Variants in FBXO36 observed in about 807,000 individuals in gnomAD.
The protein encoded by FBXO36 is F-box protein 36.
FBXO36 carries 18 observed loss-of-function variants against 17.0 expected under a neutral mutation model. The observed-to-expected ratio is 1.06, with a 90% CI of 0.73 to 1.57. The LOEUF is 1.57. Among genes scored for constraint, FBXO36 ranks in the 40% most tolerant of loss-of-function variants. The pLI is 0.00. For missense variants in FBXO36, 229 were observed against 221.9 expected (o/e 1.03, Z -0.20); for synonymous variants, 83 against 85.3 (o/e 0.97, Z 0.15).
chr2:229,999,695 A>C (rs949530213), intron 3 of FBXO36, among the ~76,000 whole-genome samples: 2 of 151,684 alleles, frequency 1.3e-5, no homozygotes, highest in African/African-American at 2.4e-5. Context: ...ATATGTATAT[A>C]TATGTATTTT....
At chr2:230,006,538 A>G (rs1479037153) in intron 3 of FBXO36, among the ~76,000 whole-genome samples, 1 of 152,152 alleles carries the variant, frequency 6.6e-6, no homozygotes, top group Admixed American at 6.5e-5. Context: ...GTCAGTATGT[A>G]ATTACTGAGC....
At chr2:229,958,257 CTTTTTTTTTT>C (rs1161188534) in intron 1 of FBXO36, among the ~76,000 whole-genome samples, 3 of 78,682 alleles carry the variant, frequency 3.8e-5, no homozygotes, top group African/African-American at 1.6e-4. Context: ...CTCTGACTTT[CTTTTTTTTTT>C]TTTTTTTTTT....
At chr2:229,934,812 G>T (rs2076956122) in intron 1 of FBXO36, among the ~76,000 whole-genome samples, 1 of 152,018 alleles carries the variant, frequency 6.6e-6, no homozygotes, top group Admixed American at 6.6e-5. Flanking sequence ...TTGCAACCAT[G>T]CCCGGCTAAT....
chr2:229,986,114 G>C (rs151129896), intron 2 of FBXO36, among the ~76,000 whole-genome samples: 2 of 152,206 alleles, frequency 1.3e-5, no homozygotes, highest in African/African-American at 4.8e-5. Flanking sequence ...CTCTGACCCT[G>C]TGTTTCTAGT....
intron 1 of FBXO36, among the ~76,000 whole-genome samples, chr2:229,958,341 G>C (rs1256779404): frequency 1.5e-5 from 2 of 135,670 alleles, no homozygotes; most frequent in Admixed American, 1.7e-4. Flanking sequence ...CACAATCTCA[G>C]CTCACTGCAA....
chr2:229,983,035 T>C (rs1356789697), intron 2 of FBXO36, among the ~76,000 whole-genome samples: 1 of 151,982 alleles, frequency 6.6e-6, no homozygotes, highest in Non-Finnish European at 1.5e-5. Flanking sequence ...CAGGCTGGAG[T>C]GCAGTAGTGC....
chr2:229,980,914 A>C (rs1325516084), intron 2 of FBXO36, among the ~76,000 whole-genome samples: 1 of 152,106 alleles, frequency 6.6e-6, no homozygotes, highest in Non-Finnish European at 1.5e-5. Flanking sequence ...GGCAAGTTCA[A>C]AGGCTCCTGT....
rs140531916 is a variant in FBXO36, at chr2:229,930,869, T to C, written c.96+8260T>C. 7.0e-3 allele frequency among the ~76,000 whole-genome samples: 1,071 copies of C among 152,246 alleles called. 7 individuals are homozygous for C. The highest frequency in any genetic ancestry group is 0.051 in the Middle Eastern group (15 of 294). On this transcript the variant is annotated intron_variant, in intron 1 of 3. Coordinates refer to ENST00000283946, the MANE Select transcript of FBXO36 (RefSeq NM_174899.5). The stretch of plus-strand genomic sequence containing the variant: ...CTGTGGTTTTCCCTCCTGCTGTCAT[T>C]TACCCCCTCACTGCTCCTCCTGATG...
At position 230,005,231 on chromosome 2, in the gene FBXO36, G is replaced by A. The variant is rs955143044; in HGVS notation, c.379-5465G>A. ...ATCCTCCCACCTCAGCCTCTCAAAT[G>A]TCTGGGACTACAGGTGCACACCACG... On this transcript the variant is annotated intron_variant, in intron 3 of 3. Transcript: ENST00000283946. Among the ~76,000 whole-genome samples the A allele has an allele frequency of 6.6e-5, 10 of 152,050 alleles. No homozygotes were observed. In the South Asian group the frequency reaches 8.3e-4, roughly 13 times the overall value.
intron 2 of FBXO36, among the ~76,000 whole-genome samples, chr2:229,978,612 T>A (rs560352060): frequency 6.6e-6 from 1 of 151,960 alleles, no homozygotes; most frequent in African/African-American, 2.4e-5. Context: ...ATAATAATAG[T>A]AATATTTTAA....
Position 230,011,492 on chromosome 2 carries a change from A to C in FBXO36, c.*608A>C, listed in dbSNP as rs891351059. Reference sequence around the variant, plus strand: ...ACAGCTTCCGACCTGGTGCTGGAGCATGACTGGAGAAGTGCAGGCATCCTG... The same window carrying C: ...ACAGCTTCCGACCTGGTGCTGGAGCCTGACTGGAGAAGTGCAGGCATCCTG... On this transcript the variant is annotated 3_prime_UTR_variant, in exon 4 of 4. Coordinates refer to ENST00000283946, the MANE Select transcript of FBXO36 (RefSeq NM_174899.5). 1 of 152,286 alleles carries C rather than the reference A, an allele frequency of 6.6e-6. No individual in the cohort carries two copies. Among genetic ancestry groups the C allele is most frequent in the African/African-American group, 2.4e-5 (1 of 41,464 alleles). 9.4% of individuals were successfully genotyped at this position (152,286 alleles called of 1,614,324 possible).
intron 3 of FBXO36, among the ~76,000 whole-genome samples, chr2:230,005,256 G>A (rs186723015): frequency 3.3e-5 from 5 of 151,610 alleles, no homozygotes; most frequent in East Asian, 2.0e-4. Context: ...TGCACACCAC[G>A]ACACCCGGCT....
At chr2:229,983,091 T>A (rs1482901123) in intron 2 of FBXO36, among the ~76,000 whole-genome samples, 2 of 151,696 alleles carry the variant, frequency 1.3e-5, no homozygotes, top group African/African-American at 4.8e-5. Flanking sequence ...CAAACAATCC[T>A]CCTGCCGGGC....
intron 1 of FBXO36, among the ~76,000 whole-genome samples, chr2:229,963,484 G>T (rs1291236768): frequency 1.5e-5 from 2 of 133,940 alleles, no homozygotes; most frequent in African/African-American, 5.8e-5. Flanking sequence ...TCACTCTGTC[G>T]CCCAGGCTGG....
At position 229,973,026 on chromosome 2, in the gene FBXO36, C is replaced by T. The variant is rs558066507; in HGVS notation, c.97-3215C>T. On this transcript the variant is annotated intron_variant, in intron 1 of 3. Coordinates refer to ENST00000283946, the MANE Select transcript of FBXO36 (RefSeq NM_174899.5). The stretch of plus-strand genomic sequence containing the variant: ...GCAGTGAGCCGAGATCCTGCCACTG[C>T]ACTCCAGCCTGGGACAGAGCAAGAC... Among the ~76,000 whole-genome samples, 15 of 151,188 alleles carry T rather than the reference C, an allele frequency of 9.9e-5. No individual in the cohort carries two copies. The South Asian group carries it at 3.1e-3, about 32-fold the overall frequency.
intron 1 of FBXO36, among the ~76,000 whole-genome samples, chr2:229,971,991 CTTT>C (rs918029152): frequency 9.6e-6 from 1 of 104,036 alleles, no homozygotes. Flanking sequence ...GTATCCAATT[CTTT>C]TTTTTTTTTT....
chr2:229,978,127 T>A (rs889162181), intron 2 of FBXO36, among the ~76,000 whole-genome samples: 21 of 149,970 alleles, frequency 1.4e-4, no homozygotes, highest in East Asian at 3.9e-4. Context: ...AAAAAAAAAA[T>A]TTTTTTTTAA....
intron 2 of FBXO36, among the ~76,000 whole-genome samples, chr2:229,995,697 A>G (rs914454188): frequency 6.6e-6 from 1 of 150,616 alleles, no homozygotes; most frequent in Non-Finnish European, 1.5e-5. Context: ...GGTTCAAGCA[A>G]TTGTCCTGCC....
intron 1 of FBXO36, among the ~76,000 whole-genome samples, chr2:229,965,649 G>A (rs2077148403): frequency 6.6e-6 from 1 of 151,448 alleles, no homozygotes; most frequent in African/African-American, 2.4e-5. Flanking sequence ...CCTTGCAATA[G>A]TTTGCTGAGA....
Sources: gnomAD v4.1 joint callset for allele counts (sites outside exome capture counted in the v4.1 genomes callset) on GRCh38, gnomAD v4.1.1 for gene constraint, MANE v1.5 for transcripts, NCBI Gene and HGNC (gene_info 2026-07-23, HGNC 2026-07-21) for gene names.